Variants in CHSY1 observed in about 807,000 individuals in gnomAD.
CHSY1 encodes the protein N-acetylgalactosaminyl-proteoglycan 3-beta-glucuronosyltransferase 1.
Under a neutral mutation model 59.8 loss-of-function variants are expected in CHSY1, and 13 were observed. That is an observed-to-expected ratio of 0.22 (90% CI 0.14 to 0.35). The LOEUF (loss-of-function observed/expected upper bound fraction) is 0.35, where lower values mean the gene tolerates loss of function less well. Among genes scored for constraint, CHSY1 ranks in the 10% least tolerant of loss-of-function variants. The pLI, the probability that CHSY1 is intolerant of heterozygous loss-of-function variation, is 1.00. For synonymous variants in CHSY1, 459 were observed against 401.2 expected, an observed-to-expected ratio of 1.14 and a Z score of -1.72; for missense variants, 947 against 1,030.6, an observed-to-expected ratio of 0.92 and a Z score of 1.11.
chr15:101,238,460 G>T (rs777302400), intron 1 of CHSY1, among the ~76,000 whole-genome samples: 16 of 152,220 alleles, frequency 1.1e-4, no homozygotes, highest in Non-Finnish European at 1.8e-4. Context: ...CTGCCAACAC[G>T]CCTCTCAAAA....
intron 2 of CHSY1, among the ~76,000 whole-genome samples, chr15:101,219,605 T>TGC (rs1165525671): frequency 1.3e-5 from 2 of 152,362 alleles, no homozygotes; most frequent in Admixed American, 6.5e-5. Flanking sequence ...CACTCAGCTC[T>TGC]GCCCAGGTGC....
intron 2 of CHSY1, among the ~76,000 whole-genome samples, chr15:101,205,453 A>G (rs147784026): frequency 6.6e-6 from 1 of 152,316 alleles, no homozygotes; most frequent in African/African-American, 2.4e-5. Flanking sequence ...AGACTCCACA[A>G]TGTTTCCTGA....
chr15:101,186,757 G>C (rs1322887865), intron 2 of CHSY1: 1 of 152,076 alleles, frequency 6.6e-6, no homozygotes, highest in African/African-American at 2.4e-5. Context: ...AGCCATGATC[G>C]CACTACTGCA....
intron 2 of CHSY1, among the ~76,000 whole-genome samples, chr15:101,220,299 C>A (rs1168737162): frequency 6.6e-6 from 1 of 152,116 alleles, no homozygotes; most frequent in Non-Finnish European, 1.5e-5. Flanking sequence ...AGCCCTCAGA[C>A]CCTGCCTCTA....
intron 1 of CHSY1, among the ~76,000 whole-genome samples, chr15:101,236,592 C>T (rs982663945): frequency 6.6e-5 from 10 of 152,094 alleles, no homozygotes; most frequent in East Asian, 1.9e-4. Flanking sequence ...GAGGCCGAGG[C>T]GGGCGGATCA....
intron 2 of CHSY1, among the ~76,000 whole-genome samples, chr15:101,231,420 C>T (rs568509500): frequency 2.6e-5 from 4 of 152,266 alleles, no homozygotes; most frequent in East Asian, 1.9e-4. Flanking sequence ...TAATTCACAG[C>T]GGAAGCCCAG....
chr15:101,207,565 C>T (rs2038639318), intron 2 of CHSY1, among the ~76,000 whole-genome samples: 2 of 151,974 alleles, frequency 1.3e-5, no homozygotes, highest in African/African-American at 4.8e-5. Context: ...ATGTTAACCT[C>T]TAAATGGAAT....
chr15:101,232,245 C>A (rs903955872), intron 2 of CHSY1, among the ~76,000 whole-genome samples: 2 of 152,142 alleles, frequency 1.3e-5, no homozygotes, highest in African/African-American at 4.8e-5. Context: ...TTGTCTTTAA[C>A]ATAAGACTCC....
chr15:101,210,089 A>G (rs2038668771), intron 2 of CHSY1, among the ~76,000 whole-genome samples: 1 of 152,220 alleles, frequency 6.6e-6, no homozygotes, highest in Non-Finnish European at 1.5e-5. Flanking sequence ...GTTTCTAGGA[A>G]AAAGCATGGA....
chr15:101,211,956 G>A (rs1204555182), intron 2 of CHSY1, among the ~76,000 whole-genome samples: 2 of 151,678 alleles, frequency 1.3e-5, no homozygotes, highest in African/African-American at 4.8e-5. Context: ...TTAAAGACAG[G>A]AGAACAACTT....
chr15:101,193,497 A>T (rs1596434246), intron 2 of CHSY1, among the ~76,000 whole-genome samples: 2 of 36,382 alleles, frequency 5.5e-5, no homozygotes, highest in African/African-American at 9.9e-5. Flanking sequence ...GAGCAAGCAT[A>T]AACGGCTGGG....
At chr15:101,245,851 T>A (rs974946686) in intron 1 of CHSY1, among the ~76,000 whole-genome samples, 1 of 152,266 alleles carries the variant, frequency 6.6e-6, no homozygotes, top group Non-Finnish European at 1.5e-5. Context: ...ACAGGTTGAT[T>A]ATTTGGATTT....
intron 2 of CHSY1, among the ~76,000 whole-genome samples, chr15:101,193,122 G>GC (rs1567091116): frequency 6.6e-6 from 1 of 152,180 alleles, no homozygotes; most frequent in Admixed American, 6.5e-5. Context: ...CTCACACCCC[G>GC]CAGCCACTGC....
intron 1 of CHSY1, among the ~76,000 whole-genome samples, chr15:101,238,297 T>C (rs1475328866): frequency 6.6e-6 from 1 of 152,252 alleles, no homozygotes; most frequent in African/African-American, 2.4e-5. Context: ...TCTAAATATT[T>C]ACTTTTGTAA....
intron 2 of CHSY1, among the ~76,000 whole-genome samples, chr15:101,195,495 A>T (rs1484370836): frequency 3.9e-5 from 6 of 152,262 alleles, no homozygotes. Context: ...GTCATGTGTC[A>T]ACCGAAAGCT....
At chr15:101,187,383 G>A (rs1314844785) in intron 2 of CHSY1, among the ~76,000 whole-genome samples, 2 of 152,138 alleles carry the variant, frequency 1.3e-5, no homozygotes, top group East Asian at 3.9e-4. Flanking sequence ...GGAGGGTGAG[G>A]TGGGAGAATC....
Position 101,178,484 on chromosome 15 carries a change from C to A in CHSY1, c.1313G>T (p.Arg438Leu), listed in dbSNP as rs558029205. The A allele has an allele frequency of 6.2e-7, 1 of 1,614,216 alleles. No individual in the cohort carries two copies. The highest frequency in any genetic ancestry group is 8.5e-7 in the Non-Finnish European group (1 of 1,180,056). The change falls in exon 3 of 3, where the codon CGG becomes CTG. Residue 438 changes from arginine to leucine, a missense_variant. Coordinates refer to ENST00000254190, the MANE Select transcript of CHSY1 (RefSeq NM_014918.5). ...DFKEIQYGYR[R>L]VNPMYGAEYI... ...CTCAGCCCCATACATGGGGTTCACC[C>A]GGCGGTAGCCGTACTGGATCTCTTT...
At chr15:101,194,021 C>T (rs1316797001) in intron 2 of CHSY1, among the ~76,000 whole-genome samples, 1 of 152,248 alleles carries the variant, frequency 6.6e-6, no homozygotes, top group African/African-American at 2.4e-5. Flanking sequence ...GTCAGATGCC[C>T]TGGCCTTGGC....
chr15:101,216,953 T>C (rs2038739847), intron 2 of CHSY1, among the ~76,000 whole-genome samples: 1 of 152,190 alleles, frequency 6.6e-6, no homozygotes, highest in South Asian at 2.1e-4. Context: ...CAAAACAATC[T>C]AACTGCATTA....
Sources: allele counts gnomAD v4.1 joint callset (sites outside exome capture counted in the v4.1 genomes callset), GRCh38; gene constraint gnomAD v4.1.1; transcripts MANE v1.5; gene names NCBI Gene and HGNC (gene_info 2026-07-23, HGNC 2026-07-21).